PTK2: variants seen among roughly 807,000 people sequenced by gnomAD.
PTK2 encodes the protein protein tyrosine kinase 2, also known as focal adhesion kinase 1.
Under a neutral mutation model 150.1 loss-of-function variants are expected in PTK2, and 45 were observed. That is an observed-to-expected ratio of 0.30 (90% CI 0.24 to 0.38). The LOEUF (loss-of-function observed/expected upper bound fraction) is 0.38. Among genes scored for constraint, PTK2 ranks in the 10% least tolerant of loss-of-function variants. The probability of loss-of-function intolerance (pLI) is 1.00; values close to 1 mark genes in which losing one functional copy is unlikely to be tolerated. For missense variants in PTK2, 919 were observed against 1,307.3 expected (o/e 0.70, Z 4.58); for synonymous variants, 432 against 449.2 (o/e 0.96, Z 0.48).
chr8:140,817,896 A>AT lies in PTK2; in HGVS notation c.867+380dup, dbSNP rs869070489. On this transcript the variant is annotated intron_variant, in intron 10 of 31. Coordinates refer to ENST00000522684, the Ensembl canonical transcript of PTK2. ...CTTTCAAGAGAATTGTGAATGTATAATTTTTTTTTTTCCTGGAAATAACCT... is the reference window on the plus strand; with the variant it reads ...CTTTCAAGAGAATTGTGAATGTATAATTTTTTTTTTTTCCTGGAAATAACCT... Among the ~76,000 whole-genome samples, 279 of 149,038 alleles carry AT rather than the reference A, an allele frequency of 1.9e-3. 2 individuals carry two copies. The highest frequency in any genetic ancestry group is 6.0e-3 in the African/African-American group (243 of 40,768).
chr8:141,000,347 G>A (rs2100199630), intron 1 of PTK2, among the ~76,000 whole-genome samples: 1 of 152,206 alleles, frequency 6.6e-6, no homozygotes, highest in African/African-American at 2.4e-5. Flanking sequence ...GTTTGCGTTC[G>A]GGGACACGGC....
chr8:140,815,263 A>C (rs28802157), intron 10 of PTK2, among the ~76,000 whole-genome samples: 3,384 of 152,152 alleles, frequency 0.022, 133 homozygotes, highest in African/African-American at 0.078. Flanking sequence ...TTGCAGGAAC[A>C]TGGATGGAGC....
chr8:140,769,306 A>C (rs1438705086), intron 14 of PTK2, among the ~76,000 whole-genome samples: 1 of 152,148 alleles, frequency 6.6e-6, no homozygotes, highest in Non-Finnish European at 1.5e-5. Flanking sequence ...GACATTTTTT[A>C]AGAACTCTCA....
At chr8:140,884,387 G>A (rs1018699101) in intron 3 of PTK2, among the ~76,000 whole-genome samples, 1 of 152,162 alleles carries the variant, frequency 6.6e-6, no homozygotes, top group Non-Finnish European at 1.5e-5. Context: ...TAAAGGAAGA[G>A]TTTAATTTTC....
At position 140,863,433 on chromosome 8, in the gene PTK2, C is replaced by T. The variant is rs1276732038; in HGVS notation, c.450+879G>A. ...AACGTTTTTAAATGGCTCCCAATAT[C>T]TGCAGGAGAAAACCTAAACCCCTGT... On this transcript the variant is annotated intron_variant, in intron 5 of 31. Coordinates refer to ENST00000522684, the Ensembl canonical transcript of PTK2. Among the ~76,000 whole-genome samples the T allele has an allele frequency of 9.2e-5, 14 of 152,250 alleles. No homozygotes were observed. In the East Asian group the frequency reaches 2.7e-3, roughly 29 times the overall value.
At chr8:140,667,728 T>A (rs769511516) in intron 30 of PTK2, among the ~76,000 whole-genome samples, 10 of 152,146 alleles carry the variant, frequency 6.6e-5, no homozygotes, top group Non-Finnish European at 1.5e-4. Flanking sequence ...TAAAAGAAAA[T>A]TCAATGAACA....
rs530294577 is a variant in PTK2, at chr8:140,908,476, T to C, written c.-33+17185A>G. Among the ~76,000 whole-genome samples, 4 of 152,316 alleles carry C rather than the reference T, an allele frequency of 2.6e-5. No homozygotes were observed. The South Asian group carries it at 6.2e-4, about 24-fold the overall frequency. On this transcript the variant is annotated intron_variant, in intron 2 of 31. Coordinates refer to ENST00000522684, the Ensembl canonical transcript of PTK2. ...GACACAATGAAGAAGAAAGAGTCTTTTATTAGAAGATGCCATCTAGGACTT... is the reference window on the plus strand; with the variant it reads ...GACACAATGAAGAAGAAAGAGTCTTCTATTAGAAGATGCCATCTAGGACTT...
chr8:140,920,150 C>A (rs2100166860), intron 2 of PTK2, among the ~76,000 whole-genome samples: 2 of 152,070 alleles, frequency 1.3e-5, no homozygotes, highest in African/African-American at 4.8e-5. Flanking sequence ...TATTTCCTAA[C>A]TTAAATATTT....
intron 13 of PTK2, 135 bp from the exon 14 acceptor site, chr8:140,789,661 C>A: frequency 1.3e-6 from 1 of 742,214 alleles, no homozygotes; most frequent in Non-Finnish European, 2.2e-6. Context: ...AAATTGGATT[C>A]TACTATTAAA....
intron 26 of PTK2, among the ~76,000 whole-genome samples, chr8:140,690,771 G>C (rs555334974): frequency 2.0e-5 from 3 of 152,080 alleles, no homozygotes; most frequent in Admixed American, 6.6e-5. Flanking sequence ...CATTTATATA[G>C]GGCAAACTGA....
At chr8:140,659,428 T>A (rs746307883) in exon 32 of PTK2, 8 of 1,561,982 alleles carry the variant, frequency 5.1e-6, no homozygotes, top group Non-Finnish European at 7.0e-6. Flanking sequence ...AGAGAACATC[T>A]TCAAAAGAGG....
chr8:140,987,444 G>T (rs1463529341), intron 1 of PTK2, among the ~76,000 whole-genome samples: 3 of 152,178 alleles, frequency 2.0e-5, no homozygotes, highest in African/African-American at 7.2e-5. Flanking sequence ...GCCTCCCAAA[G>T]TGCTGGGATT....
chr8:140,932,796 G>T (rs1159177599), intron 1 of PTK2, among the ~76,000 whole-genome samples: 2 of 151,780 alleles, frequency 1.3e-5, no homozygotes, highest in Non-Finnish European at 2.9e-5. Context: ...GCCTCATCAG[G>T]GTACAACAGA....
chr8:140,942,912 C>T (rs553998547), intron 1 of PTK2, among the ~76,000 whole-genome samples: 2 of 152,018 alleles, frequency 1.3e-5, no homozygotes, highest in Non-Finnish European at 2.9e-5. Flanking sequence ...TGGTGACAAG[C>T]GAGTTCATGT....
chr8:140,678,921 T>A lies in PTK2; in HGVS notation c.2563-3422A>T, dbSNP rs1466806302. ...TCAGGCAATAAAATCCATGCCCTTT[T>A]TTTTTTAATTTAAAAAATTTTTAAA... is the stretch of plus-strand genomic sequence containing the variant. On this transcript the variant is annotated intron_variant, in intron 27 of 31. Coordinates refer to ENST00000522684, the Ensembl canonical transcript of PTK2. 2.6e-5 allele frequency among the ~76,000 whole-genome samples: 4 copies of A among 151,756 alleles called. No individual in the cohort carries two copies. In the East Asian group the frequency reaches 7.7e-4, roughly 29 times the overall value.
chr8:140,854,473 C>T (rs963935615), intron 5 of PTK2, among the ~76,000 whole-genome samples: 14 of 152,070 alleles, frequency 9.2e-5, no homozygotes, highest in African/African-American at 2.9e-4. Context: ...AAACGTTACA[C>T]GGTAAAGAAA....
intron 25 of PTK2, 130 bp from the exon 29 acceptor site, chr8:140,701,152 T>C: frequency 9.5e-7 from 1 of 1,054,720 alleles, no homozygotes; most frequent in Non-Finnish European, 1.3e-6. Flanking sequence ...TCTCATACTG[T>C]GCTTGTGGGA....
intron 22 of PTK2, among the ~76,000 whole-genome samples, chr8:140,730,953 A>AACC (rs2100048843): frequency 1.0e-5 from 1 of 96,626 alleles, no homozygotes; most frequent in Non-Finnish European, 2.0e-5. Context: ...ATTAAATTAA[A>AACC]CCCCCCCCCC....
intron 8 of PTK2, among the ~76,000 whole-genome samples, chr8:140,830,205 G>A (rs1456474024): frequency 6.6e-6 from 1 of 152,044 alleles, no homozygotes; most frequent in African/African-American, 2.4e-5. Flanking sequence ...TAGATGACAG[G>A]AATAACTGTG....
Sources: gnomAD v4.1 joint callset for allele counts (sites outside exome capture counted in the v4.1 genomes callset) on GRCh38, gnomAD v4.1.1 for gene constraint, MANE v1.5 for transcripts, NCBI Gene and HGNC (gene_info 2026-07-23, HGNC 2026-07-21) for gene names.